Variants in NRIP1 observed in about 807,000 individuals in gnomAD.
NRIP1 encodes the protein nuclear receptor interacting protein 1.
A neutral mutation model predicts 75.0 loss-of-function variants in NRIP1; 28 were observed. The observed-to-expected ratio is 0.37, with a 90% CI of 0.28 to 0.51. NRIP1 has a LOEUF of 0.51. NRIP1 is among the 20% of genes least tolerant of loss of function. The probability of loss-of-function intolerance (pLI) is 0.92; values close to 1 mark genes in which losing one functional copy is unlikely to be tolerated. For missense variants in NRIP1, 1,435 were observed against 1,343.7 expected (o/e 1.07, Z -1.06); for synonymous variants, 526 against 487.6 (o/e 1.08, Z -1.04).
Position 14,965,251 on chromosome 21 carries a change from A to T in NRIP1, c.2942T>A (p.Leu981Ter), listed in dbSNP as rs1168260450. The change falls in exon 4 of 4, where the codon TTA becomes TAA. Residue 981 changes from leucine to a stop codon, truncating the protein, a stop_gained. Coordinates refer to ENST00000318948, the MANE Select transcript of NRIP1 (RefSeq NM_003489.4). LOFTEE classifies it high-confidence loss of function. ...NSKPEFSISS[L>*]NGLMYSSTQP... ...AGTGGAACTGTACATCAGTCCATTT[A>T]AAGAAGAAATGCTAAATTCAGGTTT... 6.2e-7 allele frequency: 1 copy of T among 1,613,894 alleles called. No homozygotes were observed. The highest frequency in any genetic ancestry group is 1.3e-5 in the African/African-American group (1 of 74,912).
At chr21:14,988,474 TA>T (rs2087470546) in intron 3 of NRIP1, among the ~76,000 whole-genome samples, 1 of 147,216 alleles carries the variant, frequency 6.8e-6, no homozygotes, top group African/African-American at 2.5e-5. Context: ...GATAGATAGA[TA>T]ATATAGATAG....
chr21:14,985,112 T>A (rs2087358497), intron 3 of NRIP1, among the ~76,000 whole-genome samples: 1 of 152,340 alleles, frequency 6.6e-6, no homozygotes, highest in Middle Eastern at 3.4e-3. Context: ...TGGTTCCCCA[T>A]GAGAGTATAA....
chr21:14,964,110 G>A lies in NRIP1; in HGVS notation c.*606C>T, dbSNP rs1303196123. ...GTTTAAAGAAATATATATTGAAAAG[G>A]ATCAGGGTGGGACAGACACATTGGG... On this transcript the variant is annotated 3_prime_UTR_variant, in exon 4 of 4. Coordinates refer to ENST00000318948, the MANE Select transcript of NRIP1 (RefSeq NM_003489.4). The A allele has an allele frequency of 6.6e-6, 1 of 152,348 alleles. No individual in the cohort carries two copies. Among genetic ancestry groups the A allele is most frequent in the Non-Finnish European group, 1.5e-5 (1 of 67,944 alleles). The allele number at this position is 152,348 out of a possible 1,614,324, so 9.4% of individuals were successfully genotyped here.
At chr21:15,029,803 C>T (rs2088601397) in intron 2 of NRIP1, among the ~76,000 whole-genome samples, 1 of 149,242 alleles carries the variant, frequency 6.7e-6, no homozygotes, top group South Asian at 2.1e-4. Context: ...GCAACAGAGT[C>T]CCTGTCTCCA....
intron 1 of NRIP1, among the ~76,000 whole-genome samples, chr21:15,049,491 G>T (rs759240734): frequency 6.6e-6 from 1 of 151,970 alleles, no homozygotes; most frequent in African/African-American, 2.4e-5. Context: ...AAATGCAATT[G>T]TAACACAAAC....
intron 3 of NRIP1, among the ~76,000 whole-genome samples, chr21:14,974,039 A>G (rs1483901250): frequency 6.6e-6 from 1 of 152,058 alleles, no homozygotes; most frequent in Non-Finnish European, 1.5e-5. Context: ...AACAGTCATC[A>G]TCATTTATCA....
chr21:15,058,086 T>C (rs575947736), intron 1 of NRIP1, among the ~76,000 whole-genome samples: 4 of 152,340 alleles, frequency 2.6e-5, no homozygotes, highest in African/African-American at 7.2e-5. Context: ...GTCAGAATTT[T>C]AGAATTTAGA....
chr21:14,987,945 C>G (rs559229325), intron 3 of NRIP1: 1 of 152,274 alleles, frequency 6.6e-6, no homozygotes, highest in South Asian at 2.1e-4. Context: ...TATTCAATTG[C>G]CACAGACTGT....
chr21:14,966,482 G>T lies in NRIP1; in HGVS notation c.1711C>A (p.His571Asn), dbSNP rs1336308163. ...KAGSPINLSQ[H>N]SLVIKWNSPP... is the part of the protein sequence containing the mutation. ...GAATTCCATTTGATGACCAGAGAGT[G>T]TTGAGAGAGATTGATGGGAGACCCT... Residue 571 changes from histidine (H) to asparagine (N), a missense_variant, in exon 4 of 4, where the codon CAC becomes AAC. Transcript: ENST00000318948. The T allele has an allele frequency of 1.9e-6, 3 of 1,614,120 alleles. No individual in the cohort carries two copies. In the South Asian group the frequency reaches 3.3e-5, roughly 18 times the overall value.
Position 14,968,128 on chromosome 21 carries a change from T to C in NRIP1, c.65A>G (p.Glu22Gly), listed in dbSNP as rs758639028. 35 of 1,613,988 alleles carry C rather than the reference T, an allele frequency of 2.2e-5. No individual in the cohort carries two copies. The highest frequency in any genetic ancestry group is 1.3e-4 in the South Asian group (12 of 91,048). Reference sequence around the variant, plus strand: ...TGCTGCCTGATGCATTAGTAATCCTTCTAGGTAAGTTAAAACAATAGAATC... The same window carrying C: ...TGCTGCCTGATGCATTAGTAATCCTCCTAGGTAAGTTAAAACAATAGAATC... ...HQDSIVLTYL[E>G]GLLMHQAAGG... Residue 22 changes from glutamate to glycine, a missense_variant, in exon 4 of 4, where the codon GAA (glutamate) becomes GGA (glycine). By Grantham distance (98) the Glu-to-Gly change is moderately conservative (BLOSUM62 -2). Transcript: ENST00000318948.
chr21:15,012,847 T>C (rs746372658), intron 3 of NRIP1, among the ~76,000 whole-genome samples: 2 of 152,180 alleles, frequency 1.3e-5, no homozygotes, highest in Non-Finnish European at 2.9e-5. Context: ...ACCTATAATT[T>C]ACTTATCCAA....
chr21:15,030,551 C>T (rs1399678589), intron 2 of NRIP1, among the ~76,000 whole-genome samples: 1 of 152,144 alleles, frequency 6.6e-6, no homozygotes, highest in Non-Finnish European at 1.5e-5. Flanking sequence ...ACAGGGTTTC[C>T]TCTTAATTAA....
intron 3 of NRIP1, among the ~76,000 whole-genome samples, chr21:15,007,598 T>G (rs562753515): frequency 1.4e-3 from 210 of 152,324 alleles, no homozygotes; most frequent in African/African-American, 4.9e-3. Flanking sequence ...CTTTGAACTA[T>G]CAACCTTCAT....
In NRIP1 at chr21:14,964,581, G is replaced by A; in HGVS notation, c.*135C>T. The A allele has an allele frequency of 1.4e-6, 1 of 704,136 alleles. No individual in the cohort carries two copies. The highest frequency in any genetic ancestry group is 2.2e-6 in the Non-Finnish European group (1 of 445,118). The allele number at this position is 704,136 out of a possible 1,614,324, so 43.6% of individuals were successfully genotyped here. On this transcript the variant is annotated 3_prime_UTR_variant, in exon 4 of 4. Transcript: ENST00000318948. ...TAGTATGCATATTTCAACATCACCAGTAACCAATACTTTTCAAAATGAAAA... is the reference window on the plus strand; with the variant it reads ...TAGTATGCATATTTCAACATCACCAATAACCAATACTTTTCAAAATGAAAA...
chr21:15,044,447 A>G (rs917573598), intron 1 of NRIP1, among the ~76,000 whole-genome samples: 3 of 151,762 alleles, frequency 2.0e-5, no homozygotes, highest in Non-Finnish European at 4.4e-5. Context: ...GTGGCTGAGG[A>G]AACTTTATTT....
At chr21:15,026,587 T>C (rs2088527066) in intron 2 of NRIP1, among the ~76,000 whole-genome samples, 1 of 152,194 alleles carries the variant, frequency 6.6e-6, no homozygotes, top group African/African-American at 2.4e-5. Context: ...ACATCAGCAA[T>C]GCTTATAATA....
In NRIP1 at chr21:14,966,543, T is replaced by A. The variant is rs1297397168; in HGVS notation, c.1650A>T (p.Pro550=). Reference sequence around the variant, plus strand: ...ATGTAAGTAAAGGTGGAGTGCTCACTGGAGTAGTCCGATTTGTACTGGGGC... The same window carrying A: ...ATGTAAGTAAAGGTGGAGTGCTCACAGGAGTAGTCCGATTTGTACTGGGGC... The part of the protein sequence containing the change: ...IESPSTNRTT[P]VSTPPLLTSS... The change falls in exon 4 of 4, where the codon CCA becomes CCT. Residue 550 remains proline (P), a synonymous_variant. Transcript: ENST00000318948. 6.2e-7 allele frequency: 1 copy of A among 1,614,110 alleles called. No individual in the cohort carries two copies. The highest frequency in any genetic ancestry group is 8.5e-7 in the Non-Finnish European group (1 of 1,179,978).
Position 14,964,890 on chromosome 21 carries a change from C to G in NRIP1, c.3303G>C (p.Gln1101His), listed in dbSNP as rs74503862. The G allele has an allele frequency of 3.2e-4, 520 of 1,613,220 alleles. 3 individuals are homozygous for G. The African/African-American group carries it at 6.3e-3, about 20-fold the overall frequency. The change falls in exon 4 of 4, where the codon CAG becomes CAC. Residue 1101 changes from glutamine (Q) to histidine (H), a missense_variant. Transcript: ENST00000318948. The stretch of plus-strand genomic sequence containing the variant: ...GAAGTAACTCTTCTTTGGCTGTGAC[C>G]TGTGAGACACTTTCAGCAGATGAAG... ...REASSAESVSQVTAKEELLPT... is the reference protein window; with the variant it reads ...REASSAESVSHVTAKEELLPT...
chr21:15,029,346 G>A (rs1171585697), intron 2 of NRIP1, among the ~76,000 whole-genome samples: 1 of 152,010 alleles, frequency 6.6e-6, no homozygotes, highest in Non-Finnish European at 1.5e-5. Flanking sequence ...CCTTCCCAGA[G>A]GGCTGCATCA....
Sources: allele counts gnomAD v4.1 joint callset (sites outside exome capture counted in the v4.1 genomes callset), GRCh38; gene constraint gnomAD v4.1.1; transcripts MANE v1.5; gene names NCBI Gene and HGNC (gene_info 2026-07-23, HGNC 2026-07-21).